BAIAP2L1: variants seen among roughly 807,000 people sequenced by gnomAD.
The protein encoded by BAIAP2L1 is BAR/IMD domain containing adaptor protein 2 like 1.
In BAIAP2L1, 35 loss-of-function variants were observed where a neutral mutation model predicts 66.3. The ratio of observed to expected loss-of-function variants is 0.53; its 90% CI spans 0.40 to 0.70. The LOEUF is 0.70. Among genes scored for constraint, BAIAP2L1 ranks in the 30% least tolerant of loss-of-function variants. BAIAP2L1 has a pLI of 0.00. For missense variants in BAIAP2L1, 622 were observed against 656.9 expected (o/e 0.95, Z 0.58); for synonymous variants, 269 against 248.7 (o/e 1.08, Z -0.77).
intron 11 of BAIAP2L1, among the ~76,000 whole-genome samples, chr7:98,305,593 TA>T (rs1227804124): frequency 2.6e-5 from 4 of 152,170 alleles, no homozygotes; most frequent in Admixed American, 1.3e-4. Flanking sequence ...GCTAATTGTT[TA>T]TTTTTTTTGT....
chr7:98,381,950 G>C (rs1802770570), intron 1 of BAIAP2L1, among the ~76,000 whole-genome samples: 2 of 147,654 alleles, frequency 1.4e-5, no homozygotes, highest in South Asian at 4.3e-4. Context: ...TTTTGAGATG[G>C]AGTCTCGCTC....
chr7:98,300,651 T>G (rs547713069), intron 12 of BAIAP2L1, among the ~76,000 whole-genome samples: 3 of 151,824 alleles, frequency 2.0e-5, no homozygotes, highest in Non-Finnish European at 2.9e-5. Context: ...TCCCTCTACC[T>G]CCCCAGGAGG....
intron 1 of BAIAP2L1, among the ~76,000 whole-genome samples, chr7:98,376,333 T>C (rs928030473): frequency 6.7e-6 from 1 of 150,084 alleles, no homozygotes; most frequent in African/African-American, 2.5e-5. Context: ...TGAGACCCCG[T>C]CTCTACCAAA....
intron 1 of BAIAP2L1, among the ~76,000 whole-genome samples, chr7:98,368,718 G>A (rs568222124): frequency 4.6e-5 from 7 of 151,954 alleles, no homozygotes; most frequent in African/African-American, 7.2e-5. Context: ...GAATCGTATC[G>A]TATGTGGCAT....
intron 1 of BAIAP2L1, among the ~76,000 whole-genome samples, chr7:98,395,047 G>GAGC: frequency 2.6e-5 from 4 of 151,342 alleles, no homozygotes; most frequent in Non-Finnish European, 5.9e-5. Flanking sequence ...GGAGGCAAGG[G>GAGC]TTGTAATGAG....
chr7:98,292,501 G>A lies in BAIAP2L1; in HGVS notation c.*1020C>T. Reference sequence around the variant, plus strand: ...AACCATGACTCTCCACTCCAAAATAGGTCCAGATCCTTGGCAGCCAAAGAT... The same window carrying A: ...AACCATGACTCTCCACTCCAAAATAAGTCCAGATCCTTGGCAGCCAAAGAT... On this transcript the variant is annotated 3_prime_UTR_variant, in exon 14 of 14. Coordinates refer to ENST00000005260, the MANE Select transcript of BAIAP2L1 (RefSeq NM_018842.5). 1.2e-6 allele frequency: 1 copy of A among 820,270 alleles called. No homozygotes were observed. Among genetic ancestry groups the A allele is most frequent in the Non-Finnish European group, 1.9e-6 (1 of 513,870 alleles). 50.8% of individuals were successfully genotyped at this position (820,270 alleles called of 1,614,324 possible). A position where few individuals can be genotyped will look rare whatever the true frequency, so the allele number is the denominator to read the frequency against.
chr7:98,383,639 C>A (rs1802815991), intron 1 of BAIAP2L1, among the ~76,000 whole-genome samples: 1 of 152,090 alleles, frequency 6.6e-6, no homozygotes, highest in Non-Finnish European at 1.5e-5. Flanking sequence ...AAATGTGCCT[C>A]TTTTCTGGGA....
chr7:98,384,767 C>T (rs1364686726), intron 1 of BAIAP2L1, among the ~76,000 whole-genome samples: 3 of 141,476 alleles, frequency 2.1e-5, no homozygotes, highest in Admixed American at 7.8e-5. Context: ...GGCACGATCT[C>T]GGCTCACTGC....
chr7:98,366,164 A>G (rs752671895), intron 1 of BAIAP2L1, among the ~76,000 whole-genome samples: 2 of 152,106 alleles, frequency 1.3e-5, no homozygotes, highest in Non-Finnish European at 2.9e-5. Context: ...CAGCTTTCGC[A>G]GTCAGGAAGG....
At chr7:98,312,413 C>A (rs773843329) in intron 7 of BAIAP2L1, 149 bp from the exon 8 acceptor site, 40 of 811,158 alleles carry the variant, frequency 4.9e-5, no homozygotes, top group Non-Finnish European at 6.3e-5. Context: ...GCACTTTAAG[C>A]ACCTAGAGGA....
At chr7:98,369,006 T>A (rs1364657452) in intron 1 of BAIAP2L1, among the ~76,000 whole-genome samples, 1 of 151,878 alleles carries the variant, frequency 6.6e-6, no homozygotes, top group South Asian at 2.1e-4. Flanking sequence ...CTGCGTCACA[T>A]GGTAGGCACG....
rs542265763 is a variant in BAIAP2L1, at chr7:98,295,170, C to T, written c.1423-1059G>A. Among the ~76,000 whole-genome samples, 19 of 152,334 alleles carry T rather than the reference C, an allele frequency of 1.2e-4. No individual in the cohort carries two copies. The East Asian group carries it at 2.3e-3, about 19-fold the overall frequency. On this transcript the variant is annotated intron_variant, in intron 12 of 13. Transcript: ENST00000005260. ...CCGATGCCAGCGCTAGAGCGCAGGC[C>T]GTTCCTGGACATGGAGGCCCAGGCC...
intron 1 of BAIAP2L1, among the ~76,000 whole-genome samples, chr7:98,362,774 G>A (rs1357237627): frequency 6.6e-6 from 1 of 152,130 alleles, no homozygotes; most frequent in African/African-American, 2.4e-5. Flanking sequence ...ATTGCTAATG[G>A]TTCTCATTCT....
intron 3 of BAIAP2L1, among the ~76,000 whole-genome samples, chr7:98,346,646 A>G (rs1287217741): frequency 1.3e-5 from 2 of 152,224 alleles, no homozygotes; most frequent in East Asian, 3.8e-4. Flanking sequence ...ACAGTCTGCT[A>G]TTGGTGCAAG....
At position 98,315,628 on chromosome 7, in the gene BAIAP2L1, T is replaced by TAATAAG. The variant is rs1446501959; in HGVS notation, c.487-17_487-16insCTTATT. On this transcript the variant is annotated splice_polypyrimidine_tract_variant and intron_variant, in intron 6 of 13. Transcript: ENST00000005260. ...TCTCCACATACTAAAAAAAAAAAAA[T>TAATAAG]AATAATAATAATAATTATATAAGCA... 2 of 936,034 alleles carry TAATAAG rather than the reference T, an allele frequency of 2.1e-6. No homozygotes were observed. The highest frequency in any genetic ancestry group is 2.8e-6 in the Non-Finnish European group (2 of 710,184). The allele number at this position is 936,034 out of a possible 1,614,324, so 58.0% of individuals were successfully genotyped here.
chr7:98,320,414 C>T, intron 3 of BAIAP2L1, 116 bp from the exon 4 acceptor site: 1 of 707,328 alleles, frequency 1.4e-6, no homozygotes. Flanking sequence ...TGGCCCGCTG[C>T]AACCTCCGCC....
intron 12 of BAIAP2L1, among the ~76,000 whole-genome samples, chr7:98,297,715 G>C (rs1465362235): frequency 6.6e-6 from 1 of 152,184 alleles, no homozygotes; most frequent in African/African-American, 2.4e-5. Flanking sequence ...CCGAGCCACT[G>C]GGATCTTTTT....
At chr7:98,382,854 A>T (rs1802790397) in intron 1 of BAIAP2L1, among the ~76,000 whole-genome samples, 1 of 152,202 alleles carries the variant, frequency 6.6e-6, no homozygotes, top group African/African-American at 2.4e-5. Context: ...TGAAGTAAAA[A>T]TCATTTCTTC....
intron 7 of BAIAP2L1, 136 bp from the exon 8 acceptor site, chr7:98,312,400 T>C: frequency 1.1e-6 from 1 of 937,436 alleles, no homozygotes; most frequent in Non-Finnish European, 1.6e-6. Context: ...TTAAACTCGG[T>C]GAGCACTTTA....
Sources: gnomAD v4.1 joint callset for allele counts (sites outside exome capture counted in the v4.1 genomes callset) on GRCh38, gnomAD v4.1.1 for gene constraint, MANE v1.5 for transcripts, NCBI Gene and HGNC (gene_info 2026-07-23, HGNC 2026-07-21) for gene names.